Variants in FAT2 observed in about 807,000 individuals in gnomAD.
FAT2 encodes the protein FAT atypical cadherin 2.
In FAT2, 150 loss-of-function variants were observed where a neutral mutation model predicts 295.3. The ratio of observed to expected loss-of-function variants is 0.51; its 90% CI spans 0.44 to 0.58. The LOEUF is 0.58. FAT2 is among the 20% of genes least tolerant of loss of function. The pLI is 0.00. For missense variants in FAT2, 4,868 were observed against 5,442.7 expected, an observed-to-expected ratio of 0.89 and a Z score of 3.32; for synonymous variants, 2,026 against 2,150.3, an observed-to-expected ratio of 0.94 and a Z score of 1.60.
upstream of FAT2, among the ~76,000 whole-genome samples, chr5:151,591,521 C>T (rs1759406444): frequency 6.6e-6 from 1 of 152,224 alleles, no homozygotes; most frequent in African/African-American, 2.4e-5. Flanking sequence ...CTCCACCTCC[C>T]TTCTTGGTTT....
At chr5:151,593,870 C>T (rs946718476), upstream of FAT2, among the ~76,000 whole-genome samples, 2 of 151,912 alleles carry the variant, frequency 1.3e-5, no homozygotes, top group Non-Finnish European at 2.9e-5. Flanking sequence ...GGGTGTGGTG[C>T]CGTGTGCCTG....
At chr5:151,529,779 A>G (rs72798348) in intron 14 of FAT2, among the ~76,000 whole-genome samples, 24,585 of 152,208 alleles carry the variant, frequency 0.16, 2,271 homozygotes, top group Non-Finnish European at 0.2. Flanking sequence ...GACTTGTCCA[A>G]CCTCACCCAG....
rs755091164 is a variant in FAT2, at chr5:151,507,156, A to C, written c.12515T>G (p.Met4172Arg). 2.1e-5 allele frequency: 33 copies of C among 1,576,818 alleles called. No homozygotes were observed. The South Asian group carries it at 3.8e-4, about 18-fold the overall frequency. Residue 4172 changes from methionine to arginine, a missense_variant and splice_region_variant, in exon 23 of 24, where the codon ATG (methionine) becomes AGG (arginine). Transcript: ENST00000261800. ...TAAGCGTCTCTGGCTATACTGACCC[A>C]TCTCCTCGCTGGACCAGGTTCTCTT... ...VIKRTWSSEE[M>R]VYPGGAMVWP...
At position 151,504,592 on chromosome 5, in the gene FAT2, G is replaced by C. The variant is rs747331478; in HGVS notation, c.*973C>G. ...GCGGTCCAGCTCCCTGCTTCCAACCGGCCCTAAATAGGAGTTCAGACTTCC... is the reference window on the plus strand; with the variant it reads ...GCGGTCCAGCTCCCTGCTTCCAACCCGCCCTAAATAGGAGTTCAGACTTCC... On this transcript the variant is annotated 3_prime_UTR_variant, in exon 24 of 24. Transcript: ENST00000261800. 6.6e-6 allele frequency: 1 copy of C among 152,644 alleles called. No homozygotes were observed. Among genetic ancestry groups the C allele is most frequent in the African/African-American group, 2.4e-5 (1 of 41,450 alleles). The allele number at this position is 152,644 out of a possible 1,614,324, so 9.5% of individuals were successfully genotyped here.
rs1460382545 is a variant in FAT2, at chr5:151,550,658, C to A, written c.4510G>T (p.Gly1504Cys). The A allele has an allele frequency of 6.2e-7, 1 of 1,614,166 alleles. No homozygotes were observed. Among genetic ancestry groups the A allele is most frequent in the Non-Finnish European group, 8.5e-7 (1 of 1,180,030 alleles). The change falls in exon 8 of 24, where the codon GGT (glycine) becomes TGT (cysteine). Residue 1504 changes from glycine (G) to cysteine (C), a missense_variant. Around this residue, in one of 5 missense-constraint regions of FAT2, gnomAD observed 3,297 missense variants for 3,669.4 expected, o/e 0.90. Transcript: ENST00000261800. ...ASLFQLDPSS[G>C]VLVTVGKLDL... is the part of the protein sequence containing the mutation. ...AATTTTCCCACCGTTACCAGGACAC[C>A]ACTGCTTGGGTCCAGCTGGAAGAGG...
chr5:151,569,059 G>T, intron 1 of FAT2, 108 bp from the exon 2 acceptor site: 2 of 1,119,378 alleles, frequency 1.8e-6, no homozygotes, highest in Non-Finnish European at 2.5e-6. Context: ...ACTTGGCAAT[G>T]TCTGAAGATA....
At position 151,531,988 on chromosome 5, in the gene FAT2, G is replaced by T; in HGVS notation, c.9428-18C>A. 7 of 1,613,046 alleles carry T rather than the reference G, an allele frequency of 4.3e-6. No homozygotes were observed. Among genetic ancestry groups the T allele is most frequent in the Non-Finnish European group, 5.9e-6 (7 of 1,179,530 alleles). On this transcript the variant is annotated intron_variant, in intron 13 of 23. Coordinates refer to ENST00000261800, the MANE Select transcript of FAT2 (RefSeq NM_001447.3). This position sits in a 1 kb window ranked among gnomAD's most constrained non-coding sequence, Gnocchi z 5.7. ...ATTGGCGCCTGGCAGGGAGACCAAG[G>T]GTGTGATCCACACTGAGGGCGCCTC...
intron 22 of FAT2, among the ~76,000 whole-genome samples, chr5:151,508,256 C>G (rs994775299): frequency 2.0e-5 from 3 of 152,204 alleles, no homozygotes; most frequent in African/African-American, 7.2e-5. Flanking sequence ...AATGTCACTA[C>G]CAGTTGTTTG....
rs1304143930 is a variant in FAT2, at chr5:151,504,405, C to T, written c.*1160G>A. 1.3e-5 allele frequency: 2 copies of T among 152,714 alleles called. No individual in the cohort carries two copies. The highest frequency in any genetic ancestry group is 4.8e-5 in the African/African-American group (2 of 41,466). The allele number at this position is 152,714 out of a possible 1,614,324, so 9.5% of individuals were successfully genotyped here. On this transcript the variant is annotated 3_prime_UTR_variant, in exon 24 of 24. Coordinates refer to ENST00000261800, the MANE Select transcript of FAT2 (RefSeq NM_001447.3). ...TCCCCACCACTCCTGGCTACATACA[C>T]TCTACACATGTGTACACACGTACTA...
chr5:151,555,497 G>C (rs1365767214), intron 4 of FAT2, among the ~76,000 whole-genome samples: 1 of 150,702 alleles, frequency 6.6e-6, no homozygotes, highest in Non-Finnish European at 1.5e-5. Flanking sequence ...AGCCTCCCCG[G>C]TAGCTGGGAT....
chr5:151,563,306 C>T lies in FAT2; in HGVS notation c.3574+19G>A, dbSNP rs1408919633. On this transcript the variant is annotated intron_variant, in intron 3 of 23. Transcript: ENST00000261800. ...ACCATTGTAGAGATCCCTGTTCACC[C>T]AGCTTTTTGGATCCTTACCTGTAAC... The T allele has an allele frequency of 6.2e-7, 1 of 1,611,378 alleles. No homozygotes were observed. Among genetic ancestry groups the T allele is most frequent in the East Asian group, 2.2e-5 (1 of 44,872 alleles).
rs2127646810 is a variant in FAT2 at position 151,566,797 on chromosome 5, G to T, written c.2135C>A (p.Pro712Gln). Reference sequence around the variant, plus strand: ...TTGGGGGAAGTGGTCCTCAAACTGTGGGGTGTAATGATTAATCTGATATGT... The same window carrying T: ...TTGGGGGAAGTGGTCCTCAAACTGTTGGGTGTAATGATTAATCTGATATGT... ...LSTYQINHYT[P>Q]QFEDHFPQSI... is the part of the protein sequence containing the mutation. Residue 712 changes from proline to glutamine, a missense_variant, in exon 2 of 24, where the codon CCA becomes CAA. Physicochemically the swap from Pro to Gln is moderately conservative, Grantham distance 76 (BLOSUM62 -1). This residue lies in a region of FAT2 where 3,297 missense variants were observed against 3,669.4 expected (regional missense o/e 0.90). Coordinates refer to ENST00000261800, the MANE Select transcript of FAT2 (RefSeq NM_001447.3). The T allele has an allele frequency of 6.2e-7, 1 of 1,614,170 alleles. No individual in the cohort carries two copies. Among genetic ancestry groups the T allele is most frequent in the Non-Finnish European group, 8.5e-7 (1 of 1,180,024 alleles).
chr5:151,556,798 A>G (rs1457773359), intron 3 of FAT2, among the ~76,000 whole-genome samples: 1 of 152,204 alleles, frequency 6.6e-6, no homozygotes, highest in Non-Finnish European at 1.5e-5. Context: ...GGCAAGGCTA[A>G]GGTATCATGT....
chr5:151,527,877 T>A, intron 16 of FAT2, 119 bp downstream of exon 16: 1 of 1,319,748 alleles, frequency 7.6e-7, no homozygotes, highest in Non-Finnish European at 1.0e-6. Context: ...AGAGACATTC[T>A]GGGAAGGTCT....
rs202003251 is a variant in FAT2, at chr5:151,557,494, CT to C, written c.3575-1093del. 7.1e-3 allele frequency among the ~76,000 whole-genome samples: 1,073 copies of C among 152,188 alleles called. 18 individuals carry two copies. The highest frequency in any genetic ancestry group is 0.025 in the African/African-American group (1,038 of 41,516). On this transcript the variant is annotated intron_variant, in intron 3 of 23. Transcript: ENST00000261800. ...CTTTTGCAAGAGCTCTAGAAAGAGA[CT>C]TTTTTCTGCTGCTGTGCTGAGAGAA... is the stretch of plus-strand genomic sequence containing the variant.
chr5:151,528,168 C>T, intron 15 of FAT2, 35 bp from the exon 16 acceptor site: 4 of 1,608,316 alleles, frequency 2.5e-6, no homozygotes, highest in Non-Finnish European at 3.4e-6. Context: ...AATGGAGGGA[C>T]AGGAATCTTG....
intron 1 of FAT2, among the ~76,000 whole-genome samples, chr5:151,587,187 C>T (rs1561891003): frequency 6.6e-6 from 1 of 151,968 alleles, no homozygotes; most frequent in African/African-American, 2.4e-5. Context: ...CAAAAAAACC[C>T]AACATAATTG....
chr5:151,526,023 C>T (rs2127585059), intron 17 of FAT2, 58 bp from the exon 18 acceptor site: 4 of 1,535,092 alleles, frequency 2.6e-6, no homozygotes, highest in Non-Finnish European at 3.6e-6. Flanking sequence ...TCCTTCCTTT[C>T]GCACGTGTCT....
At position 151,554,404 on chromosome 5, in the gene FAT2, T is replaced by C. The variant is rs2127630345; in HGVS notation, c.3903A>G (p.Ser1301=). 6.2e-7 allele frequency: 1 copy of C among 1,614,188 alleles called. No individual in the cohort carries two copies. Among genetic ancestry groups the C allele is most frequent in the Non-Finnish European group, 8.5e-7 (1 of 1,180,030 alleles). ...CTCCAGCTGTAAAAGTGCTGCTGGA[T>C]GAAACCACACCTGTGACCAGGTCGA... The part of the protein sequence containing the change: ...FSIDLVTGVV[S]SSSTFTAGEY... Residue 1301 remains serine (S), a synonymous_variant, in exon 5 of 24, where the codon TCA becomes TCG. Transcript: ENST00000261800.
Sources: allele counts gnomAD v4.1 joint callset (sites outside exome capture counted in the v4.1 genomes callset), GRCh38; gene constraint gnomAD v4.1.1; regional missense constraint gnomAD v4.1.1; non-coding constraint Gnocchi (gnomAD v3.1); transcripts MANE v1.5; gene names NCBI Gene and HGNC (gene_info 2026-07-23, HGNC 2026-07-21).